Variants in STAG1 observed in about 807,000 individuals in gnomAD.
STAG1 encodes cohesin subunit SA-1.
Under a neutral mutation model 170.9 loss-of-function variants are expected in STAG1, and 26 were observed. The ratio of observed to expected loss-of-function variants is 0.15; its 90% CI spans 0.11 to 0.21. The LOEUF (loss-of-function observed/expected upper bound fraction) is 0.21, where lower values mean the gene tolerates loss of function less well. Ranked by LOEUF, STAG1 falls within the 10% of genes least tolerant of loss-of-function variation. STAG1 has a pLI of 1.00. For missense variants in STAG1, 964 were observed against 1,509.5 expected (o/e 0.64, Z 5.99); for synonymous variants, 514 against 497.7 (o/e 1.03, Z -0.44).
chr3:136,693,944 C>G (rs1425162039), intron 1 of STAG1, among the ~76,000 whole-genome samples: 2 of 152,048 alleles, frequency 1.3e-5, no homozygotes, highest in African/African-American at 4.8e-5. Flanking sequence ...GTACAGTCTC[C>G]CATTCCATGT....
chr3:136,667,908 C>A (rs537463447), intron 1 of STAG1, among the ~76,000 whole-genome samples: 3 of 152,174 alleles, frequency 2.0e-5, no homozygotes, highest in Admixed American at 1.3e-4. Flanking sequence ...GTAGACCTGG[C>A]CGGGCATGGT....
At chr3:136,668,817 G>A (rs1465057791) in intron 1 of STAG1, among the ~76,000 whole-genome samples, 3 of 152,164 alleles carry the variant, frequency 2.0e-5, no homozygotes, top group Non-Finnish European at 4.4e-5. Flanking sequence ...GAAGCTATCA[G>A]CTAACACTCC....
intron 4 of STAG1, among the ~76,000 whole-genome samples, chr3:136,569,251 G>T (rs1016837471): frequency 6.6e-6 from 1 of 151,810 alleles, no homozygotes; most frequent in Non-Finnish European, 1.5e-5. Context: ...TGCATAAAAA[G>T]AATGCAAATA....
chr3:136,501,559 G>A (rs916243934), intron 8 of STAG1, among the ~76,000 whole-genome samples: 5 of 152,162 alleles, frequency 3.3e-5, no homozygotes, highest in Non-Finnish European at 7.3e-5. Context: ...AGAGAAGTCT[G>A]GAACACAACC....
At chr3:136,523,384 T>C (rs1373853786) in intron 6 of STAG1, among the ~76,000 whole-genome samples, 2 of 149,876 alleles carry the variant, frequency 1.3e-5, no homozygotes, top group Admixed American at 6.7e-5. Context: ...GAAGTGTCTG[T>C]TCATATCCTT....
intron 1 of STAG1, among the ~76,000 whole-genome samples, chr3:136,640,871 T>A (rs1387631201): frequency 6.6e-6 from 1 of 151,828 alleles, no homozygotes; most frequent in Non-Finnish European, 1.5e-5. Context: ...GACGAGGTTT[T>A]GCCATGTTGG....
intron 1 of STAG1, among the ~76,000 whole-genome samples, chr3:136,650,946 C>T (rs1941197617): frequency 1.3e-5 from 2 of 150,470 alleles, no homozygotes; most frequent in South Asian, 4.2e-4. Context: ...AAGGAAGATG[C>T]AGCACTGGGG....
At chr3:136,408,859 T>C (rs1432915611) in intron 21 of STAG1, among the ~76,000 whole-genome samples, 6 of 152,216 alleles carry the variant, frequency 3.9e-5, no homozygotes, top group Non-Finnish European at 5.9e-5. Flanking sequence ...TTATATAGTA[T>C]GATCAAGGAA....
intron 12 of STAG1, among the ~76,000 whole-genome samples, chr3:136,466,612 A>T (rs1340915006): frequency 6.6e-6 from 1 of 152,234 alleles, no homozygotes; most frequent in Non-Finnish European, 1.5e-5. Flanking sequence ...TCCCCAATCT[A>T]GCAAGGCAGG....
At chr3:136,586,324 C>G (rs1052667067) in intron 4 of STAG1, among the ~76,000 whole-genome samples, 1 of 151,914 alleles carries the variant, frequency 6.6e-6, no homozygotes, top group African/African-American at 2.4e-5. Flanking sequence ...TTGATCTGCC[C>G]TAGATAATCT....
At chr3:136,504,348 G>A (rs1479951067) in intron 7 of STAG1, among the ~76,000 whole-genome samples, 2 of 152,026 alleles carry the variant, frequency 1.3e-5, no homozygotes, top group East Asian at 3.9e-4. Context: ...GACCAGAAAT[G>A]GATTTTTCAG....
At chr3:136,411,624 G>A (rs1477065118) in intron 21 of STAG1, among the ~76,000 whole-genome samples, 6 of 152,012 alleles carry the variant, frequency 3.9e-5, no homozygotes, top group Non-Finnish European at 7.4e-5. Flanking sequence ...AAACATATTC[G>A]TGTGTCAGAA....
chr3:136,536,703 CAAAAAAAA>C (rs11321017), intron 6 of STAG1, among the ~76,000 whole-genome samples: 16 of 70,962 alleles, frequency 2.3e-4, no homozygotes, highest in African/African-American at 7.8e-4. Flanking sequence ...ACTCAGTCTC[CAAAAAAAA>C]AAAAAAAAAA....
intron 5 of STAG1, among the ~76,000 whole-genome samples, chr3:136,564,265 TGAGTC>T (rs1482701531): frequency 2.6e-5 from 4 of 152,218 alleles, no homozygotes; most frequent in Admixed American, 2.6e-4. Flanking sequence ...GTAGGATGGT[TGAGTC>T]AACAGATAAG....
chr3:136,376,005 T>TAATTAACA lies in STAG1; in HGVS notation c.2370+1654_2370+1655insTGTTAATT, dbSNP rs1175764770. The stretch of plus-strand genomic sequence containing the variant: ...ATAAATAAATAAATAAATAAATAAA[T>TAATTAACA]AAATAATTAACAAAATAAAATAAAA... On this transcript the variant is annotated intron_variant, in intron 23 of 33. Transcript: ENST00000383202. 2.0e-3 allele frequency among the ~76,000 whole-genome samples: 128 copies of TAATTAACA among 63,852 alleles called. 1 individual carries two copies. Among genetic ancestry groups the TAATTAACA allele is most frequent in the South Asian group, 2.7e-3 (4 of 1,488 alleles). The allele number at this position is 63,852 out of a possible 152,430, so 41.9% of individuals were successfully genotyped here.
intron 4 of STAG1, among the ~76,000 whole-genome samples, chr3:136,579,958 A>ATTTTGTTTTTTTTTTTTTT (rs1937555115): frequency 1.4e-5 from 1 of 73,626 alleles, no homozygotes; most frequent in African/African-American, 5.9e-5. Context: ...TACCATCTGA[A>ATTTTGTTTTTTTTTTTTTT]TTTTTTTTTT....
At chr3:136,419,532 C>T (rs991204967) in intron 20 of STAG1, among the ~76,000 whole-genome samples, 16 of 151,894 alleles carry the variant, frequency 1.1e-4, no homozygotes, top group African/African-American at 3.9e-4. Flanking sequence ...ACAATCTCTG[C>T]CTCCTGGGTT....
At chr3:136,723,794 C>T (rs1300498191) in intron 1 of STAG1, among the ~76,000 whole-genome samples, 1 of 138,132 alleles carries the variant, frequency 7.2e-6, no homozygotes, top group Non-Finnish European at 1.6e-5. Flanking sequence ...GGGGGGTCAG[C>T]CCCCCGCCCG....
chr3:136,676,767 A>AT (rs552071927), intron 1 of STAG1, among the ~76,000 whole-genome samples: 3 of 150,928 alleles, frequency 2.0e-5, no homozygotes, highest in Non-Finnish European at 3.0e-5. Context: ...TTGTTCTATA[A>AT]TTTTTTTTCT....
Sources: allele counts gnomAD v4.1 joint callset (sites outside exome capture counted in the v4.1 genomes callset), GRCh38; gene constraint gnomAD v4.1.1; transcripts MANE v1.5; gene names NCBI Gene and HGNC (gene_info 2026-07-23, HGNC 2026-07-21).